The following CENPC variants were observed in gnomAD, a reference collection of about 807,000 sequenced individuals.
CENPC encodes CENP-C 1.
In CENPC, 63 loss-of-function variants were observed where a neutral mutation model predicts 112.1. The ratio of observed to expected loss-of-function variants is 0.56; its 90% confidence interval spans 0.46 to 0.69. The LOEUF is 0.69. Ranked by LOEUF, CENPC falls within the 30% of genes least tolerant of loss-of-function variation. The pLI, the probability that CENPC is intolerant of heterozygous loss-of-function variation, is 0.00. For synonymous variants in CENPC, 333 were observed against 367.6 expected, an observed-to-expected ratio of 0.91 and a Z score of 1.08; for missense variants, 1,000 against 1,103.8, an observed-to-expected ratio of 0.91 and a Z score of 1.33.
At chr4:67,477,707 C>G (rs2109760547) in intron 17 of CENPC, among the ~76,000 whole-genome samples, 1 of 152,284 alleles carries the variant, frequency 6.6e-6, no homozygotes, top group Non-Finnish European at 1.5e-5. Context: ...AAATAAATCT[C>G]TGAATTGCCA....
intron 4 of CENPC, among the ~76,000 whole-genome samples, chr4:67,534,802 TAGTTTCCC>T (rs1186574599): frequency 6.6e-6 from 1 of 152,244 alleles, no homozygotes; most frequent in East Asian, 1.9e-4. Flanking sequence ...CAATGTGTTT[TAGTTTCCC>T]ACTTTCAAAC....
chr4:67,502,071 A>G (rs902927705), intron 12 of CENPC, among the ~76,000 whole-genome samples: 1 of 152,186 alleles, frequency 6.6e-6, no homozygotes, highest in Non-Finnish European at 1.5e-5. Flanking sequence ...TCAAATTTCT[A>G]TTCATAAGCA....
intron 5 of CENPC, among the ~76,000 whole-genome samples, chr4:67,524,886 AG>A (rs958394650): frequency 2.0e-4 from 31 of 152,336 alleles, no homozygotes; most frequent in African/African-American, 7.0e-4. Context: ...CTAAGCAAAA[AG>A]AACAAAGTGG....
At chr4:67,526,862 C>T (rs1312138738) in intron 5 of CENPC, among the ~76,000 whole-genome samples, 1 of 152,028 alleles carries the variant, frequency 6.6e-6, no homozygotes, top group Non-Finnish European at 1.5e-5. Flanking sequence ...TTTTTAAATG[C>T]CCATTCATAA....
chr4:67,540,910 T>C lies in CENPC; in HGVS notation c.136+70A>G, dbSNP rs1726867771. On this transcript the variant is annotated intron_variant, in intron 3 of 18. Transcript: ENST00000273853. ...TAGAACATATTTGCTGCATTTGATA[T>C]TAATTACCATGACAAATTCATATTT... 3 of 632,394 alleles carry C rather than the reference T, an allele frequency of 4.7e-6. No individual in the cohort carries two copies. The South Asian group carries it at 8.0e-5, about 17-fold the overall frequency. The allele number at this position is 632,394 out of a possible 1,614,324, so 39.2% of individuals were successfully genotyped here.
chr4:67,484,822 A>C (rs1196461665), intron 17 of CENPC, among the ~76,000 whole-genome samples: 2 of 152,190 alleles, frequency 1.3e-5, no homozygotes, highest in African/African-American at 4.8e-5. Context: ...CACTGGGCGC[A>C]GTGGCTCACG....
intron 8 of CENPC, 79 bp downstream of exon 8, chr4:67,513,995 G>A (rs1188464021): frequency 7.3e-7 from 1 of 1,364,076 alleles, no homozygotes; most frequent in Non-Finnish European, 9.6e-7. Flanking sequence ...TTGCCTACTT[G>A]CCAAAGCTAA....
intron 17 of CENPC, among the ~76,000 whole-genome samples, chr4:67,479,768 G>C (rs376000429): frequency 5.9e-5 from 9 of 152,112 alleles, no homozygotes; most frequent in East Asian, 5.8e-4. Context: ...CATTAGTGAG[G>C]TTAACAAAGA....
rs1201822258 is a variant in CENPC at position 67,512,451 on chromosome 4, T to C, written c.1563A>G (p.Arg521=). 8 of 1,601,794 alleles carry C rather than the reference T, an allele frequency of 5.0e-6. No homozygotes were observed. The highest frequency in any genetic ancestry group is 6.8e-6 in the Non-Finnish European group (8 of 1,174,462). Residue 521 remains arginine, a synonymous_variant, in exon 9 of 19, where the codon CGA becomes CGG. Coordinates refer to ENST00000273853, the MANE Select transcript of CENPC (RefSeq NM_001812.4). ...EEVTSTVTKS[R]RISRRPSDWW... ...AATCAGATGGACGCCTGGAAATTCTTCGACTTTTCGTGACAGTTGAAGTCA... is the reference window on the plus strand; with the variant it reads ...AATCAGATGGACGCCTGGAAATTCTCCGACTTTTCGTGACAGTTGAAGTCA...
At chr4:67,480,327 A>C (rs1389321651) in intron 17 of CENPC, among the ~76,000 whole-genome samples, 3 of 152,206 alleles carry the variant, frequency 2.0e-5, no homozygotes, top group Non-Finnish European at 2.9e-5. Context: ...CTCAAAAAGG[A>C]AGAAAAGAAA....
At chr4:67,502,094 A>G (rs892968905) in intron 12 of CENPC, among the ~76,000 whole-genome samples, 9 of 152,154 alleles carry the variant, frequency 5.9e-5, no homozygotes, top group African/African-American at 1.4e-4. Flanking sequence ...AACTCTCATG[A>G]AGCAAAATAG....
Position 67,514,137 on chromosome 4 carries a change from T to C in CENPC, c.1381A>G (p.Asn461Asp). The C allele has an allele frequency of 1.2e-6, 2 of 1,610,566 alleles. No individual in the cohort carries two copies. Among genetic ancestry groups the C allele is most frequent in the Non-Finnish European group, 1.7e-6 (2 of 1,178,670 alleles). Residue 461 changes from asparagine to aspartate, a missense_variant, in exon 8 of 19, where the codon AAT (asparagine) becomes GAT (aspartate). Asn to Asp is a conservative substitution (Grantham distance 23). Transcript: ENST00000273853. ...QDEFQRNSDR[N>D]MEEHEEMGND... ...CCCATCTCTTCATGCTCTTCCATAT[T>C]TCTGTCTGAATTTCTTTGAAATTCG... is the stretch of plus-strand genomic sequence containing the variant.
At position 67,545,308 on chromosome 4, in the gene CENPC, A is replaced by G. The variant is rs140065515; in HGVS notation, c.18+30T>C. The G allele has an allele frequency of 1.2e-3, 1,749 of 1,453,238 alleles. 25 individuals are homozygous for G. In the African/African-American group the frequency reaches 0.023, roughly 19 times the overall value. 90.0% of individuals were successfully genotyped at this position (1,453,238 alleles called of 1,614,324 possible). A position where few individuals can be genotyped will look rare whatever the true frequency, so the allele number is the denominator to read the frequency against. Reference sequence around the variant, plus strand: ...CCGTGCCCCAGCCAGCCGCTCAACCACTCGCCTGGAGCGGGGGGCCTGCAC... The same window carrying G: ...CCGTGCCCCAGCCAGCCGCTCAACCGCTCGCCTGGAGCGGGGGGCCTGCAC... On this transcript the variant is annotated intron_variant, in intron 1 of 18. Coordinates refer to ENST00000273853, the MANE Select transcript of CENPC (RefSeq NM_001812.4).
intron 17 of CENPC, among the ~76,000 whole-genome samples, chr4:67,475,598 G>C (rs1465317024): frequency 6.6e-6 from 1 of 152,142 alleles, no homozygotes; most frequent in Non-Finnish European, 1.5e-5. Flanking sequence ...TAATACAAGA[G>C]TATTGTTTCT....
At position 67,512,100 on chromosome 4, in the gene CENPC, C is replaced by A. The variant is rs1725907981; in HGVS notation, c.1612+302G>T. 1.3e-5 allele frequency: 3 copies of A among 225,188 alleles called. No individual in the cohort carries two copies. In the South Asian group the frequency reaches 3.1e-4, roughly 23 times the overall value. 13.9% of individuals were successfully genotyped at this position (225,188 alleles called of 1,614,324 possible). A position where few individuals can be genotyped will look rare whatever the true frequency, so the allele number is the denominator to read the frequency against. On this transcript the variant is annotated intron_variant, in intron 9 of 18. Coordinates refer to ENST00000273853, the MANE Select transcript of CENPC (RefSeq NM_001812.4). ...TTATCAATCTTTGTATCCCTCACAG[C>A]CAGGACATTAAAATAGCTGGATTAT...
chr4:67,480,028 A>C, intron 17 of CENPC, among the ~76,000 whole-genome samples: 1 of 152,222 alleles, frequency 6.6e-6, no homozygotes, highest in Admixed American at 6.5e-5. Context: ...TCAACAACAA[A>C]AAAAGTCCAG....
intron 5 of CENPC, among the ~76,000 whole-genome samples, chr4:67,524,674 A>C (rs945669034): frequency 6.6e-6 from 1 of 152,226 alleles, no homozygotes; most frequent in African/African-American, 2.4e-5. Flanking sequence ...CTGCTCAAGG[A>C]AATGAGAGAG....
At chr4:67,509,930 T>G (rs1368169856) in intron 9 of CENPC, among the ~76,000 whole-genome samples, 1 of 152,084 alleles carries the variant, frequency 6.6e-6, no homozygotes, top group Non-Finnish European at 1.5e-5. Context: ...TACTTCAACA[T>G]CAATTCATAT....
At chr4:67,515,326 C>T (rs1726028075) in intron 7 of CENPC, among the ~76,000 whole-genome samples, 1 of 151,574 alleles carries the variant, frequency 6.6e-6, no homozygotes. Flanking sequence ...ATTAGCCAGG[C>T]ATGATGGCGG....
Sources: gnomAD v4.1 joint callset for allele counts (sites outside exome capture counted in the v4.1 genomes callset) on GRCh38, gnomAD v4.1.1 for gene constraint, MANE v1.5 for transcripts, NCBI Gene and HGNC (gene_info 2026-07-23, HGNC 2026-07-21) for gene names.